Variants in CCDC47 observed in about 807,000 individuals in gnomAD.
CCDC47 encodes the protein coiled-coil domain containing 47.
A neutral mutation model predicts 60.5 loss-of-function variants in CCDC47; 41 were observed. The observed-to-expected ratio is 0.68, with a 90% CI of 0.53 to 0.88. The LOEUF is 0.88. Among genes scored for constraint, CCDC47 ranks in the 40% least tolerant of loss-of-function variants. The probability of loss-of-function intolerance (pLI) is 0.00; values close to 1 mark genes in which losing one functional copy is unlikely to be tolerated. For synonymous variants in CCDC47, 195 were observed against 190.7 expected (o/e 1.02, Z -0.18); for missense variants, 513 against 580.9 (o/e 0.88, Z 1.20).
chr17:63,755,061 C>T (rs2039195398), intron 8 of CCDC47, among the ~76,000 whole-genome samples: 1 of 152,040 alleles, frequency 6.6e-6, no homozygotes, highest in Non-Finnish European at 1.5e-5. Flanking sequence ...GCCTTAATCT[C>T]CTGGGCTCAA....
At chr17:63,766,695 G>A in intron 1 of CCDC47, 1 of 340,978 alleles carries the variant, frequency 2.9e-6, no homozygotes, top group Non-Finnish European at 4.1e-6. Flanking sequence ...AAAGTGCTGG[G>A]ATTACAGGTG....
chr17:63,750,635 AG>A (rs1185693902), intron 12 of CCDC47, among the ~76,000 whole-genome samples: 4 of 151,260 alleles, frequency 2.6e-5, no homozygotes, highest in Non-Finnish European at 5.9e-5. Flanking sequence ...CCCAGGCTGG[AG>A]TGCAGTGGCT....
intron 6 of CCDC47, among the ~76,000 whole-genome samples, chr17:63,759,026 C>G (rs1056922147): frequency 6.6e-6 from 1 of 151,992 alleles, no homozygotes; most frequent in African/African-American, 2.4e-5. Context: ...AAAAAGATGG[C>G]TGAGGATACA....
At chr17:63,759,105 T>C (rs2039229490) in intron 6 of CCDC47, among the ~76,000 whole-genome samples, 1 of 151,782 alleles carries the variant, frequency 6.6e-6, no homozygotes, top group Non-Finnish European at 1.5e-5. Flanking sequence ...ACTGATAGGG[T>C]TCTAAATTTT....
At chr17:63,757,402 A>G (rs2039216113) in intron 6 of CCDC47, among the ~76,000 whole-genome samples, 1 of 151,430 alleles carries the variant, frequency 6.6e-6, no homozygotes, top group African/African-American at 2.4e-5. Context: ...GGAAAAGAAA[A>G]CAGGAACCTA....
rs1479420862 is a variant in CCDC47, at chr17:63,752,770, G to C, written c.1064C>G (p.Thr355Ser). Reference sequence around the variant, plus strand: ...AAATGTAAACAACAGTGTCCTCTTAGTGTCAGGTAGCTTTAAAGGCTGACC... The same window carrying C: ...AAATGTAAACAACAGTGTCCTCTTACTGTCAGGTAGCTTTAAAGGCTGACC... ...EEGQPLKLPD[T>S]KRTLLFTFNV... The change falls in exon 10 of 13, where the codon ACT (threonine) becomes AGT (serine). Residue 355 changes from threonine (T) to serine (S), a missense_variant. Physicochemically the swap from Thr to Ser is moderately conservative, Grantham distance 58. Coordinates refer to ENST00000225726, the MANE Select transcript of CCDC47 (RefSeq NM_020198.3). 2 of 1,612,572 alleles carry C rather than the reference G, an allele frequency of 1.2e-6. No individual in the cohort carries two copies. The highest frequency in any genetic ancestry group is 2.2e-5 in the East Asian group (1 of 44,774).
At chr17:63,771,676 T>C (rs1037107879) in intron 1 of CCDC47, among the ~76,000 whole-genome samples, 1 of 152,222 alleles carries the variant, frequency 6.6e-6, no homozygotes. Context: ...TTAAAGTTTC[T>C]CTTCTAGTTT....
intron 1 of CCDC47, among the ~76,000 whole-genome samples, chr17:63,769,674 T>C (rs1004442279): frequency 1.3e-5 from 2 of 148,464 alleles, no homozygotes; most frequent in African/African-American, 2.5e-5. Flanking sequence ...TTAACAGGGA[T>C]GTCAAATTTT....
Position 63,773,442 on chromosome 17 carries a change from C to A in CCDC47, c.-50G>T, listed in dbSNP as rs932983309. ...GCCGAAGCCGAAACCCGGCCCAGCG[C>A]CCTGCGTCCGACACCCCTGCCCGGC... On this transcript the variant is annotated 5_prime_UTR_variant, in exon 1 of 13. Coordinates refer to ENST00000225726, the MANE Select transcript of CCDC47 (RefSeq NM_020198.3). 1 of 152,798 alleles carries A rather than the reference C, an allele frequency of 6.5e-6. No individual in the cohort carries two copies. Among genetic ancestry groups the A allele is most frequent in the African/African-American group, 2.4e-5 (1 of 41,480 alleles). 9.5% of individuals were successfully genotyped at this position (152,798 alleles called of 1,614,324 possible). A position where few individuals can be genotyped will look rare whatever the true frequency, so the allele number is the denominator to read the frequency against.
At chr17:63,748,582 C>T (rs1253389471) in intron 12 of CCDC47, among the ~76,000 whole-genome samples, 1 of 152,148 alleles carries the variant, frequency 6.6e-6, no homozygotes, top group Non-Finnish European at 1.5e-5. Flanking sequence ...TCACTCTTTT[C>T]CCAGCACTAT....
chr17:63,755,233 T>G, intron 8 of CCDC47: 2 of 933,268 alleles, frequency 2.1e-6, no homozygotes, highest in Non-Finnish European at 2.6e-6. Flanking sequence ...ACCCAAAGTG[T>G]TGAGATTACA....
chr17:63,761,748 C>T (rs1331381334), intron 4 of CCDC47: 2 of 851,742 alleles, frequency 2.3e-6, no homozygotes, highest in African/African-American at 3.7e-5. Flanking sequence ...TCTACCCTGA[C>T]CACAAAATGA....
In CCDC47 at chr17:63,754,536, A is replaced by G. The variant is rs1189221242; in HGVS notation, c.949-18T>C. 2 of 1,528,484 alleles carry G rather than the reference A, an allele frequency of 1.3e-6. No homozygotes were observed. Among genetic ancestry groups the G allele is most frequent in the African/African-American group, 1.4e-5 (1 of 72,004 alleles). The allele number at this position is 1,528,484 out of a possible 1,614,324, so 94.7% of individuals were successfully genotyped here. A position where few individuals can be genotyped will look rare whatever the true frequency, so the allele number is the denominator to read the frequency against. On this transcript the variant is annotated intron_variant, in intron 8 of 12. Transcript: ENST00000225726. ...TGAACCATCTGAAAAAAAGAAAATA[A>G]TATTTTTTAAAAGCAAGGTTTAATG...
At chr17:63,763,799 G>C (rs1040991982) in intron 4 of CCDC47, among the ~76,000 whole-genome samples, 1 of 151,534 alleles carries the variant, frequency 6.6e-6, no homozygotes, top group Non-Finnish European at 1.5e-5. Flanking sequence ...ACTCCAGCCT[G>C]GTGACAGAGT....
chr17:63,754,135 A>C (rs1383353952), intron 9 of CCDC47, among the ~76,000 whole-genome samples: 2 of 147,614 alleles, frequency 1.4e-5, no homozygotes, highest in Non-Finnish European at 3.1e-5. Context: ...CAAAACAAAA[A>C]AACCCACTGC....
At chr17:63,761,398 C>T (rs777113525) in intron 4 of CCDC47, 47 bp from the exon 5 acceptor site, 14 of 1,602,508 alleles carry the variant, frequency 8.7e-6, no homozygotes, top group South Asian at 7.7e-5. Context: ...ATGTCAAGGC[C>T]GGGCCGGGGG....
chr17:63,768,931 TA>T (rs1032903026), intron 1 of CCDC47, among the ~76,000 whole-genome samples: 1 of 151,250 alleles, frequency 6.6e-6, no homozygotes, highest in Non-Finnish European at 1.5e-5. Context: ...TAAAAATATT[TA>T]AAAAATTAGC....
intron 1 of CCDC47, among the ~76,000 whole-genome samples, chr17:63,767,902 CT>C (rs954604847): frequency 6.6e-6 from 1 of 152,026 alleles, no homozygotes. Context: ...AATGTTTTGC[CT>C]TCTTTTTCCT....
At position 63,746,266 on chromosome 17, in the gene CCDC47, G is replaced by T. The variant is rs1190424839; in HGVS notation, c.*615C>A. 1 of 152,246 alleles carries T rather than the reference G, an allele frequency of 6.6e-6. No individual in the cohort carries two copies. The highest frequency in any genetic ancestry group is 2.4e-5 in the African/African-American group (1 of 41,444). The allele number at this position is 152,246 out of a possible 1,614,324, so 9.4% of individuals were successfully genotyped here. ...ACATGTCAGTATCCTAATGCCTACA[G>T]ACTTCCTATTAATTTTGTTATCAGC... On this transcript the variant is annotated 3_prime_UTR_variant, in exon 13 of 13. Coordinates refer to ENST00000225726, the MANE Select transcript of CCDC47 (RefSeq NM_020198.3).
Sources: allele counts gnomAD v4.1 joint callset (sites outside exome capture counted in the v4.1 genomes callset), GRCh38; gene constraint gnomAD v4.1.1; transcripts MANE v1.5; gene names NCBI Gene and HGNC (gene_info 2026-07-23, HGNC 2026-07-21).